The following CSMD1 variants were observed in gnomAD, a reference collection of about 807,000 sequenced individuals.
CSMD1 encodes CUB and sushi domain-containing protein 1.
Under a neutral mutation model 417.5 loss-of-function variants are expected in CSMD1, and 213 were observed. The ratio of observed to expected loss-of-function variants is 0.51; its 90% CI spans 0.46 to 0.57. The LOEUF (loss-of-function observed/expected upper bound fraction) is 0.57, where lower values mean the gene tolerates loss of function less well. CSMD1 is among the 20% of genes least tolerant of loss of function. CSMD1 has a pLI of 0.00. For synonymous variants in CSMD1, 2,862 were observed against 1,736.8 expected, an observed-to-expected ratio of 1.65 and a Z score of -16.11; for missense variants, 6,923 against 4,529.7, an observed-to-expected ratio of 1.53 and a Z score of -15.17.
chr8:3,550,114 T>G (rs7015640), intron 10 of CSMD1, among the ~76,000 whole-genome samples: 70,164 of 151,946 alleles, frequency 0.46, 16,542 homozygotes, highest in East Asian at 0.53. Flanking sequence ...GATAAAAAAG[T>G]GTCCCATTGG....
Position 3,357,038 on chromosome 8 carries a change from T to C in CSMD1, c.3304+2114A>G, listed in dbSNP as rs112932021. On this transcript the variant is annotated intron_variant, in intron 21 of 69. Transcript: ENST00000635120. ...TCAGGGGGACTGCGGGGTTCTGGAG[T>C]GAGGTGGGGCTAGGAGGGTGGGGAG... Among the ~76,000 whole-genome samples the C allele has an allele frequency of 8.7e-3, 1,293 of 148,610 alleles. 19 individuals are homozygous for C. Among genetic ancestry groups the C allele is most frequent in the African/African-American group, 0.031 (1,232 of 40,088 alleles).
intron 2 of CSMD1, among the ~76,000 whole-genome samples, chr8:4,627,882 T>G (rs919274635): frequency 6.6e-6 from 1 of 152,140 alleles, no homozygotes; most frequent in Admixed American, 6.6e-5. Flanking sequence ...TGATACTGTA[T>G]GGCAGACACT....
intron 3 of CSMD1, among the ~76,000 whole-genome samples, chr8:4,285,281 G>T (rs1429621368): frequency 6.6e-6 from 1 of 152,058 alleles, no homozygotes; most frequent in African/African-American, 2.4e-5. Context: ...TTTCGTTCTT[G>T]CTTAAATAAT....
At chr8:3,548,376 G>C (rs1156388850) in intron 10 of CSMD1, among the ~76,000 whole-genome samples, 1 of 152,050 alleles carries the variant, frequency 6.6e-6, no homozygotes, top group Non-Finnish European at 1.5e-5. Flanking sequence ...TGATTCGTGA[G>C]ATTTTGGTGC....
chr8:4,270,866 C>G (rs181307864), intron 3 of CSMD1, among the ~76,000 whole-genome samples: 110 of 152,246 alleles, frequency 7.2e-4, no homozygotes, highest in African/African-American at 2.6e-3. Flanking sequence ...GCTTGAAATC[C>G]CCCTCTGAGG....
intron 5 of CSMD1, among the ~76,000 whole-genome samples, chr8:3,881,619 A>C (rs532523606): frequency 2.2e-5 from 3 of 139,408 alleles, no homozygotes; most frequent in Non-Finnish European, 3.0e-5. Context: ...AAAAAAAAAA[A>C]AAACAAAAAC....
intron 2 of CSMD1, among the ~76,000 whole-genome samples, chr8:4,483,067 C>T (rs1801185126): frequency 6.6e-6 from 1 of 152,146 alleles, no homozygotes; most frequent in Non-Finnish European, 1.5e-5. Flanking sequence ...CCATAATTCC[C>T]ATGTGTTGTG....
rs71199536 is a variant in CSMD1, at chr8:3,103,749, T to TAAAA, written c.6949+2775_6949+2778dup. ...ACCCTAATCAAATTCCTTTTTTTTT[T>TAAAA]AAAAAAAAAAAATGATGTAGTTTTG... On this transcript the variant is annotated intron_variant, in intron 46 of 69. Transcript: ENST00000635120. Among the ~76,000 whole-genome samples the TAAAA allele has an allele frequency of 5.4e-3, 813 of 150,598 alleles. 8 individuals carry two copies. The highest frequency in any genetic ancestry group is 0.019 in the African/African-American group (775 of 40,952).
chr8:3,157,081 C>A (rs1819582972), intron 39 of CSMD1, among the ~76,000 whole-genome samples: 1 of 151,030 alleles, frequency 6.6e-6, no homozygotes, highest in Non-Finnish European at 1.5e-5. Context: ...AGAAGCCGAT[C>A]ACTTTGTGGG....
At chr8:4,203,392 T>C (rs1348201510) in intron 3 of CSMD1, among the ~76,000 whole-genome samples, 1 of 152,190 alleles carries the variant, frequency 6.6e-6, no homozygotes, top group Admixed American at 6.5e-5. Flanking sequence ...GAGATCTTTG[T>C]GGTTTCTATG....
At chr8:4,613,814 G>A (rs1295991282) in intron 2 of CSMD1, among the ~76,000 whole-genome samples, 1 of 147,844 alleles carries the variant, frequency 6.8e-6, no homozygotes, top group Non-Finnish European at 1.5e-5. Flanking sequence ...CATGGGAAAT[G>A]GTTCAATGAT....
chr8:3,101,240 A>G (rs1416802022), intron 46 of CSMD1, among the ~76,000 whole-genome samples: 2 of 152,084 alleles, frequency 1.3e-5, no homozygotes, highest in African/African-American at 2.4e-5. Context: ...GTAGGAAGCC[A>G]TCTCCTCCTT....
intron 7 of CSMD1, among the ~76,000 whole-genome samples, chr8:3,638,560 G>C (rs889362776): frequency 6.6e-6 from 1 of 152,148 alleles, no homozygotes; most frequent in African/African-American, 2.4e-5. Flanking sequence ...GGGGATGCTT[G>C]TCCCTGCCTG....
At chr8:3,384,366 A>T (rs1810835935) in intron 18 of CSMD1, among the ~76,000 whole-genome samples, 1 of 151,952 alleles carries the variant, frequency 6.6e-6, no homozygotes, top group Admixed American at 6.6e-5. Flanking sequence ...TCTTAATAGG[A>T]TATCCCTTTT....
intron 63 of CSMD1, among the ~76,000 whole-genome samples, 165 bp downstream of exon 63, chr8:2,957,531 A>G (rs1803103923): frequency 6.6e-6 from 1 of 152,310 alleles, no homozygotes; most frequent in Admixed American, 6.5e-5. Flanking sequence ...TGTCCAGCCA[A>G]TGGTTATGCT....
chr8:4,987,038 T>C (rs1364813195), intron 1 of CSMD1, among the ~76,000 whole-genome samples: 4 of 152,196 alleles, frequency 2.6e-5, no homozygotes, highest in Non-Finnish European at 5.9e-5. Flanking sequence ...TATACAGATA[T>C]ATCCATTGCA....
At chr8:3,865,388 A>T (rs867458731) in intron 5 of CSMD1, among the ~76,000 whole-genome samples, 2 of 152,146 alleles carry the variant, frequency 1.3e-5, no homozygotes, top group Non-Finnish European at 2.9e-5. Flanking sequence ...ACATTCCCTC[A>T]GTCCCTGGGC....
intron 5 of CSMD1, among the ~76,000 whole-genome samples, chr8:3,822,779 G>A (rs1190591576): frequency 6.6e-6 from 1 of 152,146 alleles, no homozygotes; most frequent in Non-Finnish European, 1.5e-5. Context: ...ATAAAGAGAG[G>A]ATGGATAGTT....
rs566948851 is a variant in CSMD1, at chr8:4,899,811, C to G, written c.85+94521G>C. Among the ~76,000 whole-genome samples the G allele has an allele frequency of 3.3e-5, 5 of 152,226 alleles. No individual in the cohort carries two copies. In the South Asian group the frequency reaches 1.0e-3, roughly 32 times the overall value. On this transcript the variant is annotated intron_variant, in intron 1 of 69. Transcript: ENST00000635120. ...GATACAAGCACAGAATATAGAGGGC[C>G]TCACACAGTGTAACAAATAAGCAGG...
Sources: allele counts gnomAD v4.1 joint callset (sites outside exome capture counted in the v4.1 genomes callset), GRCh38; gene constraint gnomAD v4.1.1; transcripts MANE v1.5; gene names NCBI Gene and HGNC (gene_info 2026-07-23, HGNC 2026-07-21).